Variants in RAD51B observed in about 807,000 individuals in gnomAD.
The protein encoded by RAD51B is RAD51 paralog B.
In RAD51B, 38 loss-of-function variants were observed where a neutral mutation model predicts 42.2. The ratio of observed to expected loss-of-function variants is 0.90; its 90% CI spans 0.70 to 1.18. RAD51B has a LOEUF of 1.18. RAD51B is among the 50% of genes most tolerant of loss of function. RAD51B has a pLI of 0.00. For missense variants in RAD51B, 373 were observed against 400.7 expected, an observed-to-expected ratio of 0.93 and a Z score of 0.59; for synonymous variants, 154 against 145.2, an observed-to-expected ratio of 1.06 and a Z score of -0.43.
chr14:67,887,248 T>C (rs751304174), intron 7 of RAD51B, 44 bp downstream of exon 7: 8 of 1,471,756 alleles, frequency 5.4e-6, no homozygotes, highest in Non-Finnish European at 4.7e-6. Context: ...CTTTCTTTTG[T>C]TTCTTTTATA....
chr14:68,599,322 G>A (rs1421058237), downstream of RAD51B, among the ~76,000 whole-genome samples: 3 of 152,152 alleles, frequency 2.0e-5, no homozygotes, highest in Non-Finnish European at 2.9e-5. Context: ...ACACCAAGGA[G>A]GCTAGCATCC....
At position 68,407,770 on chromosome 14, in the gene RAD51B, A is replaced by G. The variant is rs1167816197; in HGVS notation, c.854-3654A>G. 2.6e-5 allele frequency among the ~76,000 whole-genome samples: 4 copies of G among 152,240 alleles called. No homozygotes were observed. In the East Asian group the frequency reaches 5.8e-4, roughly 22 times the overall value. Reference sequence around the variant, plus strand: ...ATTGAAGGCAGAGTAGATTTGGGACATGTGAACATAGGGGAGTTCCAGATG... The same window carrying G: ...ATTGAAGGCAGAGTAGATTTGGGACGTGTGAACATAGGGGAGTTCCAGATG... On this transcript the variant is annotated intron_variant, in intron 8 of 10. Coordinates refer to ENST00000471583, the MANE Select transcript of RAD51B (RefSeq NM_133510.4).
At chr14:68,081,732 GC>G (rs959725979) in intron 7 of RAD51B, among the ~76,000 whole-genome samples, 1 of 152,068 alleles carries the variant, frequency 6.6e-6, no homozygotes, top group Admixed American at 6.5e-5. Context: ...CTTCTTCAGT[GC>G]CCCACTGCTC....
intron 5 of RAD51B, among the ~76,000 whole-genome samples, chr14:67,882,136 C>A (rs1388884310): frequency 6.6e-6 from 1 of 152,184 alleles, no homozygotes; most frequent in African/African-American, 2.4e-5. Flanking sequence ...CCATGCCCAG[C>A]TAATTTTTTA....
chr14:68,639,859 G>A (rs1333956799), intron 10 of RAD51B, among the ~76,000 whole-genome samples: 2 of 151,946 alleles, frequency 1.3e-5, no homozygotes, highest in African/African-American at 2.4e-5. Flanking sequence ...GCGCAATCTC[G>A]GCTCACTGCT....
chr14:68,185,128 A>G (rs1217167748), intron 7 of RAD51B, among the ~76,000 whole-genome samples: 1 of 152,196 alleles, frequency 6.6e-6, no homozygotes, highest in South Asian at 2.1e-4. Context: ...CCCACCAGCC[A>G]AAATGTCTTA....
At chr14:68,013,267 A>T (rs1250960936) in intron 7 of RAD51B, among the ~76,000 whole-genome samples, 1 of 152,196 alleles carries the variant, frequency 6.6e-6, no homozygotes, top group Non-Finnish European at 1.5e-5. Flanking sequence ...CAAACATTTC[A>T]AAAAGAGAAA....
Position 68,036,691 on chromosome 14 carries a change from A to G in RAD51B, c.756+149487A>G, listed in dbSNP as rs562626272. Among the ~76,000 whole-genome samples the G allele has an allele frequency of 1.2e-4, 19 of 152,280 alleles. 1 individual carries two copies. In the South Asian group the frequency reaches 3.9e-3, roughly 32 times the overall value. On this transcript the variant is annotated intron_variant, in intron 7 of 10. Coordinates refer to ENST00000471583, the MANE Select transcript of RAD51B (RefSeq NM_133510.4). ...AAAACATATATTCCAATACTAGACCACACTGAGAGGATTTGGGGAGATGAC... is the reference window on the plus strand; with the variant it reads ...AAAACATATATTCCAATACTAGACCGCACTGAGAGGATTTGGGGAGATGAC...
chr14:68,474,646 T>C (rs1882404066), intron 10 of RAD51B, among the ~76,000 whole-genome samples: 1 of 152,186 alleles, frequency 6.6e-6, no homozygotes, highest in South Asian at 2.1e-4. Context: ...CGAAGTGGGT[T>C]TGGGCCCTCT....
intron 7 of RAD51B, among the ~76,000 whole-genome samples, chr14:67,998,269 T>G (rs774052815): frequency 1.3e-5 from 2 of 152,232 alleles, no homozygotes; most frequent in African/African-American, 2.4e-5. Context: ...CAAATCTGAC[T>G]GATTTTCAAT....
chr14:68,022,959 A>G (rs1434954114), intron 7 of RAD51B, among the ~76,000 whole-genome samples: 1 of 152,138 alleles, frequency 6.6e-6, no homozygotes, highest in African/African-American at 2.4e-5. Flanking sequence ...AGCTCCATCC[A>G]TGTTGCTACA....
At chr14:68,385,235 T>A (rs551026326) in intron 8 of RAD51B, among the ~76,000 whole-genome samples, 1 of 152,144 alleles carries the variant, frequency 6.6e-6, no homozygotes, top group South Asian at 2.1e-4. Flanking sequence ...CCTGCCACCC[T>A]CGCTGCCACA....
At chr14:68,678,617 T>C (rs1201942668) in intron 11 of RAD51B, among the ~76,000 whole-genome samples, 1 of 152,034 alleles carries the variant, frequency 6.6e-6, no homozygotes, top group East Asian at 1.9e-4. Context: ...CCCTGGCAGC[T>C]GAGGGATGAC....
At chr14:68,355,503 T>TA (rs1212325472) in intron 8 of RAD51B, among the ~76,000 whole-genome samples, 1 of 152,232 alleles carries the variant, frequency 6.6e-6, no homozygotes, top group African/African-American at 2.4e-5. Flanking sequence ...CTCTTTCTAA[T>TA]ATCAGTTGGC....
At position 68,648,112 on chromosome 14, in the gene RAD51B, CGTATATATATATACACACACGTAT is replaced by C. The variant is rs1566963575; in HGVS notation, c.1037-2668_1037-2645del. Among the ~76,000 whole-genome samples, 71 of 39,516 alleles carry C rather than the reference CGTATATATATATACACACACGTAT, an allele frequency of 1.8e-3. 2 individuals are homozygous for C. The highest frequency in any genetic ancestry group is 7.4e-3 in the Admixed American group (30 of 4,058). The allele number at this position is 39,516 out of a possible 152,430, so 25.9% of individuals were successfully genotyped here. A position where few individuals can be genotyped will look rare whatever the true frequency, so the allele number is the denominator to read the frequency against. On this transcript the variant is annotated intron_variant, in intron 10 of 11. Coordinates refer to the RAD51B transcript ENST00000488612. ...GTGTGTGTATATATATATACACACACGTATATATATATACACACACGTATATATATATATACACACACGTATATA... is the reference window on the plus strand; with the variant it reads ...GTGTGTGTATATATATATACACACACATATATATATACACACACGTATATA...
At chr14:67,948,736 C>G (rs1007290766) in intron 7 of RAD51B, among the ~76,000 whole-genome samples, 1 of 151,440 alleles carries the variant, frequency 6.6e-6, no homozygotes, top group Non-Finnish European at 1.5e-5. Context: ...TCGAGACCAT[C>G]CTGGCTAACA....
At chr14:68,155,789 C>G (rs1484255618) in intron 7 of RAD51B, among the ~76,000 whole-genome samples, 2 of 152,106 alleles carry the variant, frequency 1.3e-5, no homozygotes, top group Non-Finnish European at 2.9e-5. Flanking sequence ...AAATGTGAAT[C>G]CAGGATGCAA....
chr14:68,569,541 T>A lies in RAD51B; in HGVS notation c.1037-24944T>A, dbSNP rs80115044. ...GGAACTTGGATATAGGGCAAGCTTG[T>A]TTCAAAGAAAGCAGGGGAAAGAAAA... On this transcript the variant is annotated intron_variant, in intron 10 of 10. Coordinates refer to the RAD51B transcript ENST00000487270. Among the ~76,000 whole-genome samples the A allele has an allele frequency of 3.5e-3, 536 of 152,332 alleles. 3 individuals carry two copies. The highest frequency in any genetic ancestry group is 0.024 in the East Asian group (123 of 5,190).
chr14:67,936,694 C>G (rs2044966870), intron 7 of RAD51B, among the ~76,000 whole-genome samples: 1 of 152,192 alleles, frequency 6.6e-6, no homozygotes, highest in Non-Finnish European at 1.5e-5. Flanking sequence ...AAAGTCCTAC[C>G]AGCAGCGAGC....
Sources: gnomAD v4.1 joint callset for allele counts (sites outside exome capture counted in the v4.1 genomes callset) on GRCh38, gnomAD v4.1.1 for gene constraint, MANE v1.5 for transcripts, NCBI Gene and HGNC (gene_info 2026-07-23, HGNC 2026-07-21) for gene names.